Variants in DLGAP2 observed in about 807,000 individuals in gnomAD.
DLGAP2 encodes disks large-associated protein 2.
In DLGAP2, 26 loss-of-function variants were observed where a neutral mutation model predicts 100.3. The ratio of observed to expected loss-of-function variants is 0.26; its 90% CI spans 0.19 to 0.36. DLGAP2 has a LOEUF of 0.36. DLGAP2 is among the 10% of genes least tolerant of loss of function. The pLI, the probability that DLGAP2 is intolerant of heterozygous loss-of-function variation, is 1.00. For synonymous variants in DLGAP2, 886 were observed against 630.1 expected, an observed-to-expected ratio of 1.41 and a Z score of -6.08; for missense variants, 1,858 against 1,453.2, an observed-to-expected ratio of 1.28 and a Z score of -4.53.
At chr8:931,117 G>C (rs974539336) in intron 2 of DLGAP2, among the ~76,000 whole-genome samples, 1 of 152,170 alleles carries the variant, frequency 6.6e-6, no homozygotes, top group African/African-American at 2.4e-5. Flanking sequence ...GTGTAGGTAG[G>C]AGGTATGTGT....
chr8:1,161,158 T>C (rs7008181), intron 2 of DLGAP2, among the ~76,000 whole-genome samples: 9,552 of 152,264 alleles, frequency 0.063, 416 homozygotes, highest in East Asian at 0.2. Context: ...TTATTAACAG[T>C]TTGCATTATG....
intron 2 of DLGAP2, among the ~76,000 whole-genome samples, chr8:1,208,485 A>T (rs1382225154): frequency 1.3e-5 from 2 of 152,250 alleles, no homozygotes; most frequent in African/African-American, 4.8e-5. Context: ...CTTTAAGTTT[A>T]TAAAAGTCAT....
At chr8:756,010 G>T (rs571248674) in intron 1 of DLGAP2, among the ~76,000 whole-genome samples, 2 of 152,344 alleles carry the variant, frequency 1.3e-5, no homozygotes, top group African/African-American at 4.8e-5. Context: ...CTAGGGTCCT[G>T]TTTTAGGTTA....
intron 6 of DLGAP2, among the ~76,000 whole-genome samples, chr8:1,573,686 G>A (rs1175147021): frequency 6.6e-6 from 1 of 152,182 alleles, no homozygotes; most frequent in Non-Finnish European, 1.5e-5. Flanking sequence ...TTTCAGTCCA[G>A]ATGCTGGCAA....
chr8:1,360,149 G>C (rs547542786), intron 3 of DLGAP2, among the ~76,000 whole-genome samples: 1 of 151,630 alleles, frequency 6.6e-6, no homozygotes, highest in Admixed American at 6.6e-5. Context: ...GTGTGACCTT[G>C]GTGCAGGTGC....
chr8:1,555,945 C>T (rs1584923123), intron 5 of DLGAP2, among the ~76,000 whole-genome samples: 3 of 152,148 alleles, frequency 2.0e-5, no homozygotes, highest in African/African-American at 7.2e-5. Flanking sequence ...CCGAAAAGCA[C>T]ATTGGAAATC....
At chr8:1,629,251 C>G (rs1476952481) in intron 7 of DLGAP2, among the ~76,000 whole-genome samples, 1 of 152,196 alleles carries the variant, frequency 6.6e-6, no homozygotes, top group Non-Finnish European at 1.5e-5. Context: ...AAGAAGGATA[C>G]CACCTCTTTT....
chr8:850,071 A>T (rs140586394), intron 1 of DLGAP2, among the ~76,000 whole-genome samples: 1 of 151,938 alleles, frequency 6.6e-6, no homozygotes, highest in South Asian at 2.1e-4. Flanking sequence ...AAAAAAAAAA[A>T]AAAAAAACTA....
intron 3 of DLGAP2, among the ~76,000 whole-genome samples, chr8:1,437,271 T>TG (rs1258333316): frequency 6.6e-5 from 10 of 152,188 alleles, no homozygotes; most frequent in African/African-American, 2.2e-4. Context: ...CATCCGGGTC[T>TG]CCGTTCAGCC....
At chr8:1,112,143 A>C (rs1804976452) in intron 2 of DLGAP2, among the ~76,000 whole-genome samples, 1 of 151,212 alleles carries the variant, frequency 6.6e-6, no homozygotes, top group African/African-American at 2.4e-5. Flanking sequence ...TTTGCTTTGC[A>C]TTTCTCTAAT....
chr8:1,107,440 CTG>C (rs1247053692), intron 2 of DLGAP2, among the ~76,000 whole-genome samples: 1 of 152,222 alleles, frequency 6.6e-6, no homozygotes, highest in Non-Finnish European at 1.5e-5. Context: ...AAGGAAGCGT[CTG>C]TGCACCAGGT....
chr8:1,498,916 C>G (rs1195318400), intron 3 of DLGAP2, among the ~76,000 whole-genome samples: 1 of 152,236 alleles, frequency 6.6e-6, no homozygotes, highest in African/African-American at 2.4e-5. Flanking sequence ...GAAGGCCACA[C>G]CGCACTCGGA....
intron 2 of DLGAP2, among the ~76,000 whole-genome samples, chr8:1,124,115 T>C (rs1332216826): frequency 6.6e-6 from 1 of 152,200 alleles, no homozygotes; most frequent in Non-Finnish European, 1.5e-5. Context: ...CCCCAGAGTT[T>C]AACGCCAATA....
intron 2 of DLGAP2, among the ~76,000 whole-genome samples, chr8:980,959 G>T (rs1334467549): frequency 6.6e-6 from 1 of 152,024 alleles, no homozygotes; most frequent in Non-Finnish European, 1.5e-5. Context: ...AATCATCTGG[G>T]TTCACAGTTC....
chr8:970,612 T>C (rs1799988370), intron 2 of DLGAP2, among the ~76,000 whole-genome samples: 1 of 152,224 alleles, frequency 6.6e-6, no homozygotes, highest in African/African-American at 2.4e-5. Context: ...TATTGTTTGT[T>C]TTTACAAACC....
intron 1 of DLGAP2, among the ~76,000 whole-genome samples, chr8:757,398 G>A (rs1018476814): frequency 2.0e-5 from 3 of 152,166 alleles, no homozygotes; most frequent in African/African-American, 4.8e-5. Context: ...TTCATGTGTC[G>A]GCCATGGTGC....
At chr8:1,341,644 G>A (rs1801420897) in intron 3 of DLGAP2, among the ~76,000 whole-genome samples, 2 of 152,138 alleles carry the variant, frequency 1.3e-5, no homozygotes, top group Non-Finnish European at 2.9e-5. Flanking sequence ...ATATGAACTT[G>A]TGGGCTGTCT....
At chr8:968,911 T>C (rs1018764211) in intron 2 of DLGAP2, among the ~76,000 whole-genome samples, 6 of 152,074 alleles carry the variant, frequency 3.9e-5, no homozygotes, top group African/African-American at 1.4e-4. Context: ...TAAAAGACAT[T>C]ATGGTGGGAT....
At chr8:933,584 C>T (rs867787961) in intron 2 of DLGAP2, among the ~76,000 whole-genome samples, 9 of 76,638 alleles carry the variant, frequency 1.2e-4, no homozygotes, top group African/African-American at 2.8e-4. Context: ...GACATCTGGC[C>T]GTGGGCACGA....
Sources: allele counts gnomAD v4.1 joint callset (sites outside exome capture counted in the v4.1 genomes callset), GRCh38; gene constraint gnomAD v4.1.1; transcripts MANE v1.5; gene names NCBI Gene and HGNC (gene_info 2026-07-23, HGNC 2026-07-21).